PRR16: variants seen among roughly 807,000 people sequenced by gnomAD.
PRR16 encodes proline rich 16, also known as protein Largen.
Under a neutral mutation model 18.2 loss-of-function variants are expected in PRR16, and 6 were observed. The ratio of observed to expected loss-of-function variants is 0.33; its 90% CI spans 0.18 to 0.65. The LOEUF is 0.65. Ranked by LOEUF, PRR16 falls within the 30% of genes least tolerant of loss-of-function variation. The pLI, the probability that PRR16 is intolerant of heterozygous loss-of-function variation, is 0.74. For missense variants in PRR16, 412 were observed against 376.6 expected, an observed-to-expected ratio of 1.09 and a Z score of -0.78; for synonymous variants, 151 against 147.8, an observed-to-expected ratio of 1.02 and a Z score of -0.16.
the PRR16 span, among the ~76,000 whole-genome samples, chr5:120,716,740 C>T: frequency 8.6e-5 from 13 of 151,972 alleles, no homozygotes; most frequent in African/African-American, 2.2e-4. Context: ...GGTGTGGTGG[C>T]GGGCGCTTAT....
chr5:120,786,375 G>T, the PRR16 span, among the ~76,000 whole-genome samples: 1 of 151,790 alleles, frequency 6.6e-6, no homozygotes, highest in East Asian at 1.9e-4. Flanking sequence ...TGGATAAACT[G>T]TATCTGGTTT....
At chr5:120,761,371 T>A in the PRR16 span, among the ~76,000 whole-genome samples, 2 of 152,056 alleles carry the variant, frequency 1.3e-5, no homozygotes, top group Admixed American at 1.3e-4. Context: ...CTTGCCCAGA[T>A]AAGGATTTGA....
At chr5:120,615,061 A>AT (rs397769912) in intron 1 of PRR16, among the ~76,000 whole-genome samples, 3 of 151,716 alleles carry the variant, frequency 2.0e-5, no homozygotes, top group Admixed American at 2.0e-4. Flanking sequence ...GGAAAAAAAA[A>AT]TAGCAAACAT....
the PRR16 span, among the ~76,000 whole-genome samples, chr5:120,745,368 C>T: frequency 1.3e-5 from 2 of 152,202 alleles, no homozygotes; most frequent in East Asian, 3.9e-4. Context: ...TTTCCTTTTT[C>T]TGAGGTGTTT....
At chr5:120,705,510 A>C in the PRR16 span, among the ~76,000 whole-genome samples, 12 of 152,098 alleles carry the variant, frequency 7.9e-5, no homozygotes, top group Non-Finnish European at 1.6e-4. Flanking sequence ...ATTCTTCAAC[A>C]TCAAATATCC....
chr5:120,770,950 T>TCTCTCA, the PRR16 span, among the ~76,000 whole-genome samples: 5,109 of 148,906 alleles, frequency 0.034, 107 homozygotes, highest in Middle Eastern at 0.073. Flanking sequence ...TCTCTCTCTC[T>TCTCTCA]CACACACACA....
the PRR16 span, among the ~76,000 whole-genome samples, chr5:120,779,143 G>C: frequency 0.01 from 1,562 of 152,148 alleles, 24 homozygotes; most frequent in Non-Finnish European, 0.014. Context: ...GTTACACAAA[G>C]AAGTTTTGCC....
At chr5:120,563,287 G>A (rs186248854) in intron 1 of PRR16, among the ~76,000 whole-genome samples, 1 of 152,336 alleles carries the variant, frequency 6.6e-6, no homozygotes, top group Admixed American at 6.5e-5. Flanking sequence ...TCTACAATCA[G>A]CAAGTGGCAA....
chr5:120,755,817 C>T, the PRR16 span, among the ~76,000 whole-genome samples: 10 of 151,714 alleles, frequency 6.6e-5, no homozygotes, highest in South Asian at 2.1e-4. Flanking sequence ...AACAAAGAAT[C>T]GGAGAAAATG....
At chr5:120,464,685 C>A (rs887635434) in intron 1 of PRR16, 40 bp downstream of exon 1, 2 of 1,500,024 alleles carry the variant, frequency 1.3e-6, no homozygotes, top group Admixed American at 2.0e-5. Flanking sequence ...CGGCACCCTT[C>A]GACCCCTCCG....
chr5:120,747,593 T>C, the PRR16 span, among the ~76,000 whole-genome samples: 2 of 152,192 alleles, frequency 1.3e-5, no homozygotes, highest in African/African-American at 4.8e-5. Context: ...AAAGCTACCC[T>C]TGGCATTCTG....
chr5:120,742,157 A>G, the PRR16 span, among the ~76,000 whole-genome samples: 1 of 151,912 alleles, frequency 6.6e-6, no homozygotes, highest in South Asian at 2.1e-4. Flanking sequence ...TACAGAATAC[A>G]TGGGTTTTGA....
At chr5:120,620,686 G>C (rs1452530553) in intron 1 of PRR16, among the ~76,000 whole-genome samples, 3 of 151,954 alleles carry the variant, frequency 2.0e-5, no homozygotes, top group Non-Finnish European at 4.4e-5. Context: ...CTGGGTCCTT[G>C]CTTCCTCAGC....
intron 1 of PRR16, among the ~76,000 whole-genome samples, chr5:120,496,799 G>T (rs1750259680): frequency 6.6e-6 from 1 of 151,580 alleles, no homozygotes; most frequent in South Asian, 2.1e-4. Flanking sequence ...TTAGATTATT[G>T]ATTTTAGATT....
At position 120,686,804 on chromosome 5, in the gene PRR16, A is replaced by G; in HGVS notation, c.*95A>G. The G allele has an allele frequency of 9.4e-7, 1 of 1,066,070 alleles. No homozygotes were observed. The highest frequency in any genetic ancestry group is 1.3e-6 in the Non-Finnish European group (1 of 796,656). The allele number at this position is 1,066,070 out of a possible 1,614,324, so 66.0% of individuals were successfully genotyped here. A position where few individuals can be genotyped will look rare whatever the true frequency, so the allele number is the denominator to read the frequency against. On this transcript the variant is annotated 3_prime_UTR_variant, in exon 2 of 2. Transcript: ENST00000407149. Reference sequence around the variant, plus strand: ...TCTACTCAAGCAATAAAAAGCCCAAATATATTAATCCTGCATTCAGCAAAG... The same window carrying G: ...TCTACTCAAGCAATAAAAAGCCCAAGTATATTAATCCTGCATTCAGCAAAG...
intron 1 of PRR16, among the ~76,000 whole-genome samples, chr5:120,477,975 C>T (rs1580619491): frequency 6.6e-6 from 1 of 152,168 alleles, no homozygotes; most frequent in Admixed American, 6.5e-5. Context: ...TTCTTCTTTC[C>T]TTTTTTCTTA....
chr5:120,734,867 A>G, the PRR16 span, among the ~76,000 whole-genome samples: 12 of 152,346 alleles, frequency 7.9e-5, no homozygotes, highest in South Asian at 2.1e-4. Flanking sequence ...AAAAAATGAA[A>G]CAATGTTTAC....
chr5:120,530,435 T>C (rs1751514948), intron 1 of PRR16, among the ~76,000 whole-genome samples: 1 of 151,586 alleles, frequency 6.6e-6, no homozygotes, highest in South Asian at 2.1e-4. Context: ...TGATTTCTCC[T>C]CTCTTTTTGT....
In PRR16 at chr5:120,533,164, G is replaced by A. The variant is rs570815780; in HGVS notation, c.159+68519G>A. Among the ~76,000 whole-genome samples, 231 of 152,218 alleles carry A rather than the reference G, an allele frequency of 1.5e-3. 1 individual carries two copies. The highest frequency in any genetic ancestry group is 2.3e-3 in the African/African-American group (97 of 41,550). ...CTTTTGGAGTGATCTAGAGTTCTGC[G>A]GAGAAATTTTCATGTGTTTTCTCTT... On this transcript the variant is annotated intron_variant, in intron 1 of 1. Coordinates refer to ENST00000407149, the MANE Select transcript of PRR16 (RefSeq NM_001300783.2).
Sources: allele counts gnomAD v4.1 joint callset (sites outside exome capture counted in the v4.1 genomes callset), GRCh38; gene constraint gnomAD v4.1.1; transcripts MANE v1.5; gene names NCBI Gene and HGNC (gene_info 2026-07-23, HGNC 2026-07-21).